SHISA6: variants seen among roughly 807,000 people sequenced by gnomAD.
SHISA6 encodes protein shisa-6.
In SHISA6, 22 loss-of-function variants were observed where a neutral mutation model predicts 47.9. That is an observed-to-expected ratio of 0.46 (90% CI 0.33 to 0.66). The LOEUF is 0.66. SHISA6 is among the 30% of genes least tolerant of loss of function. The probability of loss-of-function intolerance (pLI) is 0.02; values close to 1 mark genes in which losing one functional copy is unlikely to be tolerated. For missense variants in SHISA6, 680 were observed against 764.6 expected, an observed-to-expected ratio of 0.89 and a Z score of 1.30; for synonymous variants, 388 against 337.8, an observed-to-expected ratio of 1.15 and a Z score of -1.63.
chr17:11,302,830 A>G (rs1909975242), intron 2 of SHISA6, among the ~76,000 whole-genome samples: 1 of 142,826 alleles, frequency 7.0e-6, no homozygotes, highest in Admixed American at 7.0e-5. Flanking sequence ...TAGAAACAAT[A>G]TGGGGGTGGG....
At chr17:11,427,365 C>T (rs916349742) in intron 3 of SHISA6, among the ~76,000 whole-genome samples, 1 of 152,124 alleles carries the variant, frequency 6.6e-6, no homozygotes, top group Non-Finnish European at 1.5e-5. Flanking sequence ...GAACTCATGA[C>T]CTTGTGATCC....
rs369460232 is a variant in SHISA6, at chr17:11,514,113, T to C, written c.896-37783T>C. 9.2e-5 allele frequency among the ~76,000 whole-genome samples: 14 copies of C among 152,290 alleles called. No individual in the cohort carries two copies. In the South Asian group the frequency reaches 2.9e-3, roughly 32 times the overall value. ...GAGAGGCAGTTCTGACTCTGCTTTG[T>C]GGCCGACTGGCACCCTCTCCTCTTC... On this transcript the variant is annotated intron_variant, in intron 3 of 5. Transcript: ENST00000441885.
chr17:11,272,150 C>T (rs1210508640), intron 2 of SHISA6, among the ~76,000 whole-genome samples: 1 of 152,122 alleles, frequency 6.6e-6, no homozygotes, highest in East Asian at 1.9e-4. Context: ...TTTGGCTCTG[C>T]CATCAGAAAC....
intron 2 of SHISA6, among the ~76,000 whole-genome samples, chr17:11,295,768 C>A (rs1909730335): frequency 6.6e-6 from 1 of 152,036 alleles, no homozygotes. Flanking sequence ...TTAAGACCAT[C>A]CTGGCTAACA....
chr17:11,252,943 CTATT>C (rs1254484522), intron 1 of SHISA6, among the ~76,000 whole-genome samples: 5 of 152,194 alleles, frequency 3.3e-5, no homozygotes, highest in African/African-American at 9.6e-5. Context: ...TCTTGGGAGA[CTATT>C]TATGCAATGG....
At chr17:11,256,683 C>T (rs982086789) in intron 1 of SHISA6, among the ~76,000 whole-genome samples, 1 of 152,138 alleles carries the variant, frequency 6.6e-6, no homozygotes, top group Non-Finnish European at 1.5e-5. Flanking sequence ...GTGCACCTGA[C>T]ACATCCACGT....
chr17:11,298,849 G>C (rs1909833931), intron 2 of SHISA6, among the ~76,000 whole-genome samples: 1 of 152,208 alleles, frequency 6.6e-6, no homozygotes, highest in Non-Finnish European at 1.5e-5. Flanking sequence ...GGGTTAAAGG[G>C]AGAGTGAGGA....
At chr17:11,512,177 G>A (rs2071546501) in intron 3 of SHISA6, among the ~76,000 whole-genome samples, 1 of 152,222 alleles carries the variant, frequency 6.6e-6, no homozygotes, top group South Asian at 2.1e-4. Flanking sequence ...ATGAGGTTTT[G>A]ATGACCTATG....
chr17:11,363,737 A>G (rs753712399), intron 2 of SHISA6, among the ~76,000 whole-genome samples: 10 of 152,226 alleles, frequency 6.6e-5, no homozygotes, highest in Non-Finnish European at 1.3e-4. Flanking sequence ...GCTCTTCTCC[A>G]TAAGACACGC....
chr17:11,310,549 T>C (rs1409234160), intron 2 of SHISA6, among the ~76,000 whole-genome samples: 1 of 151,938 alleles, frequency 6.6e-6, no homozygotes, highest in East Asian at 1.9e-4. Context: ...ACAGAAGAAA[T>C]GAGGTCACTA....
intron 2 of SHISA6, among the ~76,000 whole-genome samples, chr17:11,304,518 G>A (rs1011726384): frequency 2.0e-5 from 3 of 151,814 alleles, no homozygotes; most frequent in African/African-American, 7.3e-5. Flanking sequence ...GGGCGGGTGG[G>A]TGCTGGGAGG....
At chr17:11,416,726 C>T (rs1315117181) in intron 3 of SHISA6, among the ~76,000 whole-genome samples, 1 of 152,010 alleles carries the variant, frequency 6.6e-6, no homozygotes, top group Admixed American at 6.6e-5. Flanking sequence ...TACAACATAT[C>T]CTCACTTGAA....
At chr17:11,281,669 G>A (rs374342684) in intron 2 of SHISA6, among the ~76,000 whole-genome samples, 92 of 152,154 alleles carry the variant, frequency 6.0e-4, no homozygotes, top group African/African-American at 1.6e-3. Context: ...AAAATATGCC[G>A]AAAAATGTTT....
At chr17:11,495,521 G>A (rs1414277326) in intron 3 of SHISA6, among the ~76,000 whole-genome samples, 1 of 152,176 alleles carries the variant, frequency 6.6e-6, no homozygotes, top group Non-Finnish European at 1.5e-5. Context: ...TGCTCCTTCT[G>A]TTTGTTGCAA....
chr17:11,538,927 G>T (rs191763209), intron 3 of SHISA6, among the ~76,000 whole-genome samples: 73 of 151,974 alleles, frequency 4.8e-4, no homozygotes, highest in African/African-American at 8.7e-4. Flanking sequence ...TTGTTTTTTT[G>T]TTGTTGTTGT....
At chr17:11,485,602 G>A (rs907446232) in intron 3 of SHISA6, among the ~76,000 whole-genome samples, 2 of 152,094 alleles carry the variant, frequency 1.3e-5, no homozygotes, top group African/African-American at 2.4e-5. Flanking sequence ...CACTGAGTGA[G>A]CCTCTTTCTC....
At chr17:11,244,507 C>G (rs1023342228) in intron 1 of SHISA6, among the ~76,000 whole-genome samples, 1 of 152,136 alleles carries the variant, frequency 6.6e-6, no homozygotes, top group African/African-American at 2.4e-5. Flanking sequence ...TCTCAGACTC[C>G]TGGGGGTGAG....
intron 3 of SHISA6, among the ~76,000 whole-genome samples, chr17:11,514,558 TCTGCAGTGGATGGTTCCATATGAC>T (rs1410057184): frequency 5.9e-5 from 9 of 152,238 alleles, no homozygotes; most frequent in African/African-American, 2.2e-4. Flanking sequence ...TTCAGCCTCA[TCTGCAGTGGATGGTTCCATATGAC>T]CTCAGCCTTC....
chr17:11,487,595 T>C (rs1384527353), intron 3 of SHISA6, among the ~76,000 whole-genome samples: 2 of 152,182 alleles, frequency 1.3e-5, no homozygotes, highest in Admixed American at 1.3e-4. Flanking sequence ...GCCGGAGGAA[T>C]GTACTGATAG....
Sources: allele counts gnomAD v4.1 joint callset (sites outside exome capture counted in the v4.1 genomes callset), GRCh38; gene constraint gnomAD v4.1.1; transcripts MANE v1.5; gene names NCBI Gene and HGNC (gene_info 2026-07-23, HGNC 2026-07-21).